Variants in TMEM67 observed in about 807,000 individuals in gnomAD.
TMEM67 encodes the protein transmembrane protein 67.
TMEM67 carries 124 observed loss-of-function variants against 136.6 expected under a neutral mutation model. The observed-to-expected ratio is 0.91, with a 90% CI of 0.78 to 1.05. The LOEUF (loss-of-function observed/expected upper bound fraction) is 1.05, where lower values mean the gene tolerates loss of function less well. Ranked by LOEUF, TMEM67 falls within the 50% of genes least tolerant of loss-of-function variation. TMEM67 has a pLI of 0.00. For missense variants in TMEM67, 1,107 were observed against 1,178.4 expected, an observed-to-expected ratio of 0.94 and a Z score of 0.89; for synonymous variants, 364 against 390.5, an observed-to-expected ratio of 0.93 and a Z score of 0.80.
chr8:93,783,415 T>TA (rs1392744925), intron 11 of TMEM67, among the ~76,000 whole-genome samples: 1 of 152,234 alleles, frequency 6.6e-6, no homozygotes, highest in Non-Finnish European at 1.5e-5. Flanking sequence ...CTACTTTTTT[T>TA]AAATGACTAA....
intron 14 of TMEM67, among the ~76,000 whole-genome samples, chr8:93,789,544 CT>C (rs1276660324): frequency 6.6e-6 from 1 of 151,672 alleles, no homozygotes; most frequent in Non-Finnish European, 1.5e-5. Context: ...GCTTGGGAAG[CT>C]GAGGCAGGAG....
At chr8:93,755,234 A>G in intron 1 of TMEM67, 97 bp downstream of exon 1, 1 of 1,218,052 alleles carries the variant, frequency 8.2e-7, no homozygotes, top group Non-Finnish European at 1.2e-6. Context: ...TGATCAGGCT[A>G]GTCTCGAACT....
chr8:93,784,530 A>T (rs905945091), intron 11 of TMEM67, among the ~76,000 whole-genome samples: 1 of 152,246 alleles, frequency 6.6e-6, no homozygotes, highest in Admixed American at 6.5e-5. Context: ...TAGACAAAGA[A>T]TTGCAAAGAA....
At chr8:93,813,556 G>C (rs1046656965) in intron 26 of TMEM67, among the ~76,000 whole-genome samples, 5 of 152,228 alleles carry the variant, frequency 3.3e-5, no homozygotes, top group Admixed American at 2.0e-4. Context: ...AAGAAGAAAG[G>C]ATTGCCAGAA....
chr8:93,797,449 T>C lies in TMEM67; in HGVS notation c.2079T>C (p.Leu693=). Reference sequence around the variant, plus strand: ...AAATTAATTCACTCTTTCAAGTACTTACTGTCCTCTTCTTTTTGGAGGTAT... The same window carrying C: ...AAATTAATTCACTCTTTCAAGTACTCACTGTCCTCTTCTTTTTGGAGGTAT... ...VRKINSLFQV[L]TVLFFLEVVG... is the part of the protein sequence containing the mutation. Residue 693 remains leucine, a synonymous_variant, in exon 20 of 28, where the codon CTT becomes CTC. Transcript: ENST00000453321. 6.2e-7 allele frequency: 1 copy of C among 1,613,898 alleles called. No homozygotes were observed. Among genetic ancestry groups the C allele is most frequent in the Non-Finnish European group, 8.5e-7 (1 of 1,179,820 alleles).
At chr8:93,829,378 CTCTCTG>C in the TMEM67 span, among the ~76,000 whole-genome samples, 1 of 148,174 alleles carries the variant, frequency 6.7e-6, no homozygotes, top group Admixed American at 6.6e-5. Context: ...CTCTCTCTCT[CTCTCTG>C]TGTGTGTGTG....
intron 2 of TMEM67, 57 bp from the exon 3 acceptor site, chr8:93,758,426 A>G: frequency 1.5e-6 from 2 of 1,323,026 alleles, no homozygotes; most frequent in South Asian, 1.2e-5. Context: ...AACTTACATG[A>G]TTAGAAGAAG....
rs747794606 is a variant in TMEM67 at position 93,816,490 on chromosome 8, T to C, written c.*38T>C. 2 of 1,201,534 alleles carry C rather than the reference T, an allele frequency of 1.7e-6. No homozygotes were observed. Among genetic ancestry groups the C allele is most frequent in the South Asian group, 2.6e-5 (2 of 76,858 alleles). The allele number at this position is 1,201,534 out of a possible 1,614,324, so 74.4% of individuals were successfully genotyped here. A position where few individuals can be genotyped will look rare whatever the true frequency, so the allele number is the denominator to read the frequency against. ...ATAACTTAAAGACTCAGTATAATCA[T>C]GGCCAAAAAAAAGTCATGATATCAG... On this transcript the variant is annotated 3_prime_UTR_variant, in exon 28 of 28. Coordinates refer to ENST00000453321, the MANE Select transcript of TMEM67 (RefSeq NM_153704.6).
At chr8:93,779,568 T>G (rs894520214) in intron 7 of TMEM67, among the ~76,000 whole-genome samples, 10 of 152,188 alleles carry the variant, frequency 6.6e-5, no homozygotes, top group African/African-American at 2.4e-4. Flanking sequence ...GATGTGGATG[T>G]CCTTTTTGTT....
Position 93,793,202 on chromosome 8 carries a change from C to T in TMEM67, c.1580C>T (p.Ala527Val), listed in dbSNP as rs1353980060. Residue 527 changes from alanine (A) to valine (V), a missense_variant, in exon 16 of 28, where the codon GCT becomes GTT. Around this residue, in one of 3 missense-constraint regions of TMEM67, gnomAD observed 925 missense variants for 1,002.4 expected, o/e 0.92. Coordinates refer to ENST00000453321, the MANE Select transcript of TMEM67 (RefSeq NM_153704.6). ...AATTGTTCTTTTGTTTTTTAGATTG[C>T]TTTGGGTGTATTGGGTGGGCTAGCT... ...HGEAHVQTDI[A>V]LGVLGGLAVL... is the part of the protein sequence containing the mutation. The T allele has an allele frequency of 6.2e-7, 1 of 1,613,532 alleles. No individual in the cohort carries two copies. The highest frequency in any genetic ancestry group is 1.3e-5 in the African/African-American group (1 of 74,868).
At chr8:93,822,799 G>A (rs1809059497), downstream of TMEM67, among the ~76,000 whole-genome samples, 1 of 152,162 alleles carries the variant, frequency 6.6e-6, no homozygotes, top group African/African-American at 2.4e-5. Flanking sequence ...TAGGGAATGG[G>A]ATCACAAAAC....
chr8:93,816,558 C>T lies in TMEM67; in HGVS notation c.*106C>T, dbSNP rs562339925. 3.4e-6 allele frequency: 2 copies of T among 595,356 alleles called. No individual in the cohort carries two copies. Among genetic ancestry groups the T allele is most frequent in the South Asian group, 4.9e-5 (2 of 41,212 alleles). 36.9% of individuals were successfully genotyped at this position (595,356 alleles called of 1,614,324 possible). A position where few individuals can be genotyped will look rare whatever the true frequency, so the allele number is the denominator to read the frequency against. On this transcript the variant is annotated 3_prime_UTR_variant, in exon 28 of 28. Coordinates refer to ENST00000453321, the MANE Select transcript of TMEM67 (RefSeq NM_153704.6). ...TTTAAAACTTATAATGCAGACTATT[C>T]TGTTTTTGTTTTTTATTTGCAGAAA...
At chr8:93,819,305 C>T (rs1014818674), downstream of TMEM67, 2 of 404,792 alleles carry the variant, frequency 4.9e-6, no homozygotes, top group Non-Finnish European at 4.7e-6. Context: ...CCACCCCCAG[C>T]TCTGCCAGGA....
intron 21 of TMEM67, 64 bp from the exon 22 acceptor site, chr8:93,803,540 G>T: frequency 1.9e-6 from 2 of 1,069,806 alleles, no homozygotes; most frequent in Non-Finnish European, 1.5e-6. Flanking sequence ...ATGCTACACT[G>T]TGGCTGTAAA....
intron 6 of TMEM67, among the ~76,000 whole-genome samples, chr8:93,766,962 G>A (rs1422468716): frequency 6.6e-6 from 1 of 152,114 alleles, no homozygotes; most frequent in African/African-American, 2.4e-5. Flanking sequence ...TATTAAATTT[G>A]CAGGCCTTTA....
At chr8:93,799,197 C>G (rs1239036779) in intron 20 of TMEM67, among the ~76,000 whole-genome samples, 2 of 151,968 alleles carry the variant, frequency 1.3e-5, no homozygotes, top group African/African-American at 4.8e-5. Flanking sequence ...AACTTATGTC[C>G]TTTAGAAGAC....
intron 21 of TMEM67, among the ~76,000 whole-genome samples, chr8:93,801,575 T>G (rs899112065): frequency 1.3e-5 from 2 of 152,122 alleles, no homozygotes; most frequent in East Asian, 1.9e-4. Flanking sequence ...CTAATTTTTG[T>G]GTTTTTAGTA....
intron 20 of TMEM67, among the ~76,000 whole-genome samples, 188 bp downstream of exon 20, chr8:93,797,658 A>G (rs1454289710): frequency 6.6e-6 from 1 of 152,200 alleles, no homozygotes; most frequent in Admixed American, 6.5e-5. Flanking sequence ...TAAGTTTACC[A>G]TCTTAAGCAT....
chr8:93,795,610 G>A (rs903806711), intron 17 of TMEM67, 103 bp downstream of exon 17: 4 of 1,087,420 alleles, frequency 3.7e-6, no homozygotes, highest in Non-Finnish European at 5.6e-6. Flanking sequence ...TTGATCAACA[G>A]TATTAAGAAA....
Sources: gnomAD v4.1 joint callset for allele counts (sites outside exome capture counted in the v4.1 genomes callset) on GRCh38, gnomAD v4.1.1 for gene constraint, gnomAD v4.1.1 regional missense constraint, MANE v1.5 for transcripts, NCBI Gene and HGNC (gene_info 2026-07-23, HGNC 2026-07-21) for gene names.